CYRIB: variants seen among roughly 807,000 people sequenced by gnomAD.
CYRIB encodes the protein CYFIP-related Rac1 interactor B.
A neutral mutation model predicts 44.2 loss-of-function variants in CYRIB; 8 were observed. The observed-to-expected ratio is 0.18, with a 90% CI of 0.11 to 0.33. The LOEUF is 0.33. Among genes scored for constraint, CYRIB ranks in the 10% least tolerant of loss-of-function variants. The pLI is 1.00. For synonymous variants in CYRIB, 131 were observed against 127.2 expected (o/e 1.03, Z -0.20); for missense variants, 185 against 382.8 (o/e 0.48, Z 4.31).
At chr8:129,973,019 A>C (rs996148662) in intron 1 of CYRIB, among the ~76,000 whole-genome samples, 4 of 152,152 alleles carry the variant, frequency 2.6e-5, no homozygotes, top group African/African-American at 9.7e-5. Context: ...AAGTGAGGAC[A>C]CTCATTCACT....
chr8:129,928,908 T>C (rs902866954), intron 1 of CYRIB, among the ~76,000 whole-genome samples: 2 of 152,188 alleles, frequency 1.3e-5, no homozygotes, highest in African/African-American at 4.8e-5. Context: ...ATTATATAAG[T>C]TTTCCATATG....
intron 1 of CYRIB, among the ~76,000 whole-genome samples, chr8:129,992,658 G>A (rs2096666506): frequency 6.6e-6 from 1 of 152,224 alleles, no homozygotes; most frequent in African/African-American, 2.4e-5. Context: ...ACTTTTGGAA[G>A]AGGGCAGAGC....
intron 2 of CYRIB, chr8:129,901,679 A>G (rs2072100419): frequency 6.6e-6 from 1 of 152,252 alleles, no homozygotes; most frequent in Non-Finnish European, 1.5e-5. Flanking sequence ...ACTAACCTCT[A>G]TACAAAAATT....
intron 1 of CYRIB, among the ~76,000 whole-genome samples, chr8:130,013,326 G>C (rs1006726751): frequency 6.6e-6 from 1 of 152,134 alleles, no homozygotes; most frequent in African/African-American, 2.4e-5. Context: ...CCATGCACAC[G>C]AGCAGTGAGA....
chr8:129,885,361 A>T lies in CYRIB; in HGVS notation c.-10-5890T>A, dbSNP rs113764628. ...CTTATTTCTTAAGCATATTTATCAC[A>T]ATCTGAATTTCTCTTGTTTAGTGTC... On this transcript the variant is annotated intron_variant, in intron 2 of 11. Coordinates refer to ENST00000519824, the Ensembl canonical transcript of CYRIB. Among the ~76,000 whole-genome samples the T allele has an allele frequency of 5.7e-3, 866 of 152,328 alleles. 10 individuals are homozygous for T. The highest frequency in any genetic ancestry group is 0.02 in the African/African-American group (831 of 41,568).
intron 2 of CYRIB, chr8:129,970,471 G>C (rs2095649228): frequency 1.3e-5 from 2 of 150,458 alleles, no homozygotes; most frequent in Non-Finnish European, 2.9e-5. Flanking sequence ...TCAGGCTGGA[G>C]TGCAGCGGCG....
chr8:129,963,311 G>A (rs1415912374), intron 2 of CYRIB, among the ~76,000 whole-genome samples: 1 of 152,164 alleles, frequency 6.6e-6, no homozygotes. Flanking sequence ...AGTTCGAGGC[G>A]AGATTCTGTT....
intron 10 of CYRIB, 66 bp from the exon 13 acceptor site, chr8:129,846,940 T>G (rs2040394253): frequency 1.1e-6 from 1 of 895,640 alleles, no homozygotes; most frequent in Non-Finnish European, 1.7e-6. Flanking sequence ...CTTTTCAAAA[T>G]AGTAAAATAA....
At chr8:129,861,272 GCCT>G (rs768946692) in intron 5 of CYRIB, among the ~76,000 whole-genome samples, 16 of 152,106 alleles carry the variant, frequency 1.1e-4, no homozygotes, top group Middle Eastern at 3.4e-3. Context: ...TACCTGCTCT[GCCT>G]CCTCCTCCTC....
chr8:129,899,905 A>C (rs1331839588), intron 2 of CYRIB, among the ~76,000 whole-genome samples: 1 of 152,120 alleles, frequency 6.6e-6, no homozygotes, highest in Non-Finnish European at 1.5e-5. Flanking sequence ...AGTCTCTTTC[A>C]TTATCAGGCA....
At chr8:129,977,701 T>G (rs2096004254) in intron 1 of CYRIB, among the ~76,000 whole-genome samples, 2 of 151,924 alleles carry the variant, frequency 1.3e-5, no homozygotes, top group South Asian at 2.1e-4. Flanking sequence ...CCGGCTAATT[T>G]TTTTGTATTT....
chr8:129,950,526 C>T (rs1201682998), intron 2 of CYRIB, among the ~76,000 whole-genome samples: 2 of 151,350 alleles, frequency 1.3e-5, no homozygotes, highest in Admixed American at 6.6e-5. Flanking sequence ...GAAGAGATCA[C>T]GCCACTGCAC....
rs140186295 is a variant in CYRIB at position 129,891,670 on chromosome 8, T to A, written c.-11+11642A>T. On this transcript the variant is annotated intron_variant, in intron 2 of 11. Coordinates refer to ENST00000519824, the Ensembl canonical transcript of CYRIB. ...TAAAGAAATGTGATATAACAATGGA[T>A]TAAAAATTGGGAGACTTGATTTCTA... is the stretch of plus-strand genomic sequence containing the variant. 4.6e-4 allele frequency among the ~76,000 whole-genome samples: 70 copies of A among 152,292 alleles called. No homozygotes were observed. In the South Asian group the frequency reaches 0.01, roughly 22 times the overall value.
At chr8:129,860,782 T>G (rs1048198437) in intron 5 of CYRIB, among the ~76,000 whole-genome samples, 2 of 151,748 alleles carry the variant, frequency 1.3e-5, no homozygotes, top group Non-Finnish European at 2.9e-5. Flanking sequence ...GCACAAGTCC[T>G]AACTAATGGA....
intron 1 of CYRIB, among the ~76,000 whole-genome samples, chr8:129,931,034 A>G (rs1478170673): frequency 6.6e-6 from 1 of 152,202 alleles, no homozygotes; most frequent in Non-Finnish European, 1.5e-5. Flanking sequence ...ATAACAAATA[A>G]TATTCAGCAA....
intron 1 of CYRIB, among the ~76,000 whole-genome samples, chr8:129,919,014 A>G (rs932184487): frequency 2.0e-5 from 3 of 152,286 alleles, no homozygotes; most frequent in Non-Finnish European, 4.4e-5. Flanking sequence ...CGTTTTACAG[A>G]TAGTTTTTAA....
intron 3 of CYRIB, among the ~76,000 whole-genome samples, chr8:129,873,055 A>G (rs974076663): frequency 3.3e-5 from 5 of 152,002 alleles, no homozygotes; most frequent in African/African-American, 1.2e-4. Context: ...AAAATTCAAT[A>G]ATTACATTAC....
chr8:130,001,386 A>G (rs2096903622), intron 1 of CYRIB, among the ~76,000 whole-genome samples: 1 of 152,058 alleles, frequency 6.6e-6, no homozygotes, highest in African/African-American at 2.4e-5. Flanking sequence ...TTCCATTGAG[A>G]ACACACTGAC....
chr8:129,919,717 T>G (rs1038206499), intron 1 of CYRIB, among the ~76,000 whole-genome samples: 1 of 152,198 alleles, frequency 6.6e-6, no homozygotes, highest in Non-Finnish European at 1.5e-5. Flanking sequence ...TAACTTAATT[T>G]TAAGATTTAT....
Sources: gnomAD v4.1 joint callset for allele counts (sites outside exome capture counted in the v4.1 genomes callset) on GRCh38, gnomAD v4.1.1 for gene constraint, MANE v1.5 for transcripts, NCBI Gene and HGNC (gene_info 2026-07-23, HGNC 2026-07-21) for gene names.